Variants in ZNF257 observed in about 807,000 individuals in gnomAD.
ZNF257 encodes the protein zinc finger protein 257.
Under a neutral mutation model 11.9 loss-of-function variants are expected in ZNF257, and 12 were observed. That is an observed-to-expected ratio of 1.01 (90% confidence interval 0.65 to 1.63). The LOEUF is 1.63. ZNF257 is among the 40% of genes most tolerant of loss of function. ZNF257 has a pLI of 0.00. For missense variants in ZNF257, 580 were observed against 665.5 expected (o/e 0.87, Z 1.41); for synonymous variants, 183 against 222.7 (o/e 0.82, Z 1.59).
At chr19:22,065,015 T>C (rs1489435864) in intron 1 of ZNF257, among the ~76,000 whole-genome samples, 3 of 150,140 alleles carry the variant, frequency 2.0e-5, no homozygotes, top group Admixed American at 6.6e-5. Context: ...GACCACGCCA[T>C]TGCACTCCAG....
At position 22,089,362 on chromosome 19, in the gene ZNF257, G is replaced by C. The variant is rs1481279590; in HGVS notation, c.1612G>C (p.Ala538Pro). 2 of 1,612,966 alleles carry C rather than the reference G, an allele frequency of 1.2e-6. No homozygotes were observed. The highest frequency in any genetic ancestry group is 1.7e-6 in the Non-Finnish European group (2 of 1,179,596). The stretch of plus-strand genomic sequence containing the variant: ...CCTTACCGTACATAAGAGAATTCAT[G>C]CTGGAGAGAACCCCAACAAATATGA... ...SYLTVHKRIH[A>P]GENPNKYEEC... Residue 538 changes from alanine to proline, a missense_variant, in exon 4 of 4, where the codon GCT becomes CCT. Coordinates refer to ENST00000594947, the MANE Select transcript of ZNF257 (RefSeq NM_033468.4).
At chr19:22,085,580 G>A (rs1480450077) in intron 3 of ZNF257, among the ~76,000 whole-genome samples, 1 of 152,000 alleles carries the variant, frequency 6.6e-6, no homozygotes, top group African/African-American at 2.4e-5. Context: ...CAGAGAAAGT[G>A]AGGTATTGAA....
intron 1 of ZNF257, among the ~76,000 whole-genome samples, chr19:22,056,269 C>T (rs1198341969): frequency 6.6e-6 from 1 of 151,774 alleles, no homozygotes; most frequent in East Asian, 1.9e-4. Flanking sequence ...CTGGGCAACA[C>T]GGTGAAACTC....
chr19:22,088,128 C>G lies in ZNF257; in HGVS notation c.378C>G (p.Cys126Trp). Residue 126 changes from cysteine to tryptophan, a missense_variant, in exon 4 of 4, where the codon TGC becomes TGG. Physicochemically the swap from Cys to Trp is radical, Grantham distance 215 (BLOSUM62 -2). Coordinates refer to ENST00000594947, the MANE Select transcript of ZNF257 (RefSeq NM_033468.4). Reference sequence around the variant, plus strand: ...AAAGTGTGGATGAGTGTAAGGTGTGCAAAGGAGGTTATAATGGACTTAACC... The same window carrying G: ...AAAGTGTGGATGAGTGTAAGGTGTGGAAAGGAGGTTATAATGGACTTAACC... ...GCKSVDECKV[C>W]KGGYNGLNQC... is the part of the protein sequence containing the mutation. The G allele has an allele frequency of 6.2e-7, 1 of 1,610,402 alleles. No homozygotes were observed. Among genetic ancestry groups the G allele is most frequent in the Non-Finnish European group, 8.5e-7 (1 of 1,177,910 alleles).
intron 2 of ZNF257, 105 bp from the exon 3 acceptor site, chr19:22,073,364 T>G: frequency 7.9e-7 from 1 of 1,260,464 alleles, no homozygotes; most frequent in Admixed American, 2.7e-5. Context: ...TATTTTGGCA[T>G]AAATGTATTA....
chr19:22,071,055 G>T (rs961595078), intron 1 of ZNF257, among the ~76,000 whole-genome samples: 2 of 151,970 alleles, frequency 1.3e-5, no homozygotes, highest in African/African-American at 2.4e-5. Flanking sequence ...CCAATGTGAG[G>T]CCAGAATCAA....
intron 1 of ZNF257, among the ~76,000 whole-genome samples, chr19:22,067,824 A>G (rs2021993567): frequency 6.6e-6 from 1 of 151,370 alleles, no homozygotes; most frequent in Non-Finnish European, 1.5e-5. Context: ...ACAGAGCGAG[A>G]CTCTATCTCA....
At chr19:22,070,232 A>G (rs926861415) in intron 1 of ZNF257, among the ~76,000 whole-genome samples, 1 of 152,124 alleles carries the variant, frequency 6.6e-6, no homozygotes, top group Non-Finnish European at 1.5e-5. Context: ...GTTGCTCCAC[A>G]AGTCACAAAA....
At chr19:22,079,174 A>G (rs774811642) in intron 3 of ZNF257, among the ~76,000 whole-genome samples, 2 of 152,090 alleles carry the variant, frequency 1.3e-5, no homozygotes, top group East Asian at 1.9e-4. Context: ...GTGGAAGATC[A>G]TTTGATCTTT....
intron 1 of ZNF257, among the ~76,000 whole-genome samples, chr19:22,056,572 T>G (rs2021646649): frequency 6.7e-6 from 1 of 149,194 alleles, no homozygotes; most frequent in African/African-American, 2.5e-5. Context: ...GCCTCCCAGG[T>G]TCACACCCTT....
In ZNF257 at chr19:22,052,588, G is replaced by T; in HGVS notation, c.-45G>T. Reference sequence around the variant, plus strand: ...TGTGGCCCTGTGACCTGCAGGTATTGGGAGATCCCCAGCTAAGACGCCAGG... The same window carrying T: ...TGTGGCCCTGTGACCTGCAGGTATTTGGAGATCCCCAGCTAAGACGCCAGG... On this transcript the variant is annotated 5_prime_UTR_variant, in exon 1 of 4. Coordinates refer to ENST00000594947, the MANE Select transcript of ZNF257 (RefSeq NM_033468.4). 6.2e-7 allele frequency: 1 copy of T among 1,601,560 alleles called. No homozygotes were observed. The highest frequency in any genetic ancestry group is 8.5e-7 in the Non-Finnish European group (1 of 1,172,204).
chr19:22,072,111 G>A (rs2022117364), intron 1 of ZNF257, among the ~76,000 whole-genome samples: 1 of 152,080 alleles, frequency 6.6e-6, no homozygotes, highest in African/African-American at 2.4e-5. Context: ...TGTCACAGTG[G>A]TGATGCTGTG....
chr19:22,075,354 C>T (rs2022202903), intron 3 of ZNF257: 1 of 152,370 alleles, frequency 6.6e-6, no homozygotes, highest in Non-Finnish European at 1.5e-5. Context: ...TCGGGTCACA[C>T]TGTGTTGGTT....
chr19:22,084,136 A>G (rs1397832157), intron 3 of ZNF257, among the ~76,000 whole-genome samples: 1 of 139,914 alleles, frequency 7.1e-6, no homozygotes, highest in Non-Finnish European at 1.5e-5. Context: ...GCAAGACTTC[A>G]TCTCAAAAAA....
intron 1 of ZNF257, among the ~76,000 whole-genome samples, chr19:22,072,507 A>G (rs1051296000): frequency 2.0e-5 from 3 of 151,994 alleles, no homozygotes; most frequent in Non-Finnish European, 4.4e-5. Flanking sequence ...AAAACAAAAA[A>G]AATTCAGAAA....
intron 1 of ZNF257, among the ~76,000 whole-genome samples, chr19:22,068,412 G>A (rs1290009416): frequency 6.6e-6 from 1 of 152,074 alleles, no homozygotes; most frequent in Non-Finnish European, 1.5e-5. Context: ...CAAGAATGCA[G>A]AGCCAGTTTG....
chr19:22,072,520 G>T (rs533708664), intron 1 of ZNF257, among the ~76,000 whole-genome samples: 3 of 152,146 alleles, frequency 2.0e-5, no homozygotes, highest in Non-Finnish European at 4.4e-5. Flanking sequence ...TTCAGAAACA[G>T]ACTTTCTATA....
chr19:22,074,582 C>T (rs750310904), intron 3 of ZNF257: 1 of 152,090 alleles, frequency 6.6e-6, no homozygotes, highest in Non-Finnish European at 1.5e-5. Flanking sequence ...GAACTCCTGA[C>T]CTCAGATGAT....
chr19:22,081,639 T>A (rs2022361480), intron 3 of ZNF257, among the ~76,000 whole-genome samples: 1 of 152,024 alleles, frequency 6.6e-6, no homozygotes, highest in Non-Finnish European at 1.5e-5. Context: ...GATGATCCTC[T>A]CATTTCAGCC....
Sources: gnomAD v4.1 joint callset for allele counts (sites outside exome capture counted in the v4.1 genomes callset) on GRCh38, gnomAD v4.1.1 for gene constraint, MANE v1.5 for transcripts, NCBI Gene and HGNC (gene_info 2026-07-23, HGNC 2026-07-21) for gene names.